The following ATP8A2 variants were observed in gnomAD, a reference collection of about 807,000 sequenced individuals.
ATP8A2 encodes the protein ATPase phospholipid transporting 8A2.
Under a neutral mutation model 165.6 loss-of-function variants are expected in ATP8A2, and 100 were observed. The ratio of observed to expected loss-of-function variants is 0.60; its 90% CI spans 0.51 to 0.71. The LOEUF (loss-of-function observed/expected upper bound fraction) is 0.71, where lower values mean the gene tolerates loss of function less well. ATP8A2 is among the 30% of genes least tolerant of loss of function. ATP8A2 has a pLI of 0.00. For missense variants in ATP8A2, 1,227 were observed against 1,479.5 expected (o/e 0.83, Z 2.80); for synonymous variants, 543 against 548.8 (o/e 0.99, Z 0.15).
intron 33 of ATP8A2, among the ~76,000 whole-genome samples, chr13:25,884,696 T>C (rs563148132): frequency 2.3e-4 from 35 of 152,338 alleles, no homozygotes; most frequent in African/African-American, 8.2e-4. Context: ...AACCTTGGCC[T>C]GAGACTCTCC....
At chr13:25,649,090 C>G (rs564740038) in intron 24 of ATP8A2, 1 of 478,848 alleles carries the variant, frequency 2.1e-6, no homozygotes, top group African/African-American at 2.0e-5. Flanking sequence ...ATCCTTGTGT[C>G]CTTGCGTTGG....
intron 25 of ATP8A2, among the ~76,000 whole-genome samples, chr13:25,706,033 G>A (rs1007913057): frequency 6.6e-5 from 10 of 152,192 alleles, no homozygotes; most frequent in African/African-American, 1.7e-4. Context: ...TCAAGGATAA[G>A]CAACATAGAA....
In ATP8A2 at chr13:25,865,394, A is replaced by G. The variant is rs116294290; in HGVS notation, c.3183+2986A>G. Among the ~76,000 whole-genome samples, 880 of 152,336 alleles carry G rather than the reference A, an allele frequency of 5.8e-3. 14 individuals are homozygous for G. Among genetic ancestry groups the G allele is most frequent in the African/African-American group, 0.021 (854 of 41,578 alleles). On this transcript the variant is annotated intron_variant, in intron 33 of 36. Coordinates refer to ENST00000381655, the MANE Select transcript of ATP8A2 (RefSeq NM_016529.6). The stretch of plus-strand genomic sequence containing the variant: ...AAGTTCTAGAATTAAACTAGTGCCT[A>G]ATAGCAAACAGCATTTCTCACTCAG...
intron 2 of ATP8A2, among the ~76,000 whole-genome samples, chr13:25,490,377 A>G (rs1238584393): frequency 6.6e-6 from 1 of 152,228 alleles, no homozygotes; most frequent in Non-Finnish European, 1.5e-5. Context: ...CGGACGGGCC[A>G]GGAGCCGGGG....
chr13:25,536,921 T>C (rs2038303737), intron 6 of ATP8A2, among the ~76,000 whole-genome samples: 2 of 152,234 alleles, frequency 1.3e-5, no homozygotes, highest in African/African-American at 4.8e-5. Context: ...GGCACTGTTT[T>C]CCTGTTTCAG....
chr13:25,602,328 G>C (rs1334357134), intron 24 of ATP8A2, among the ~76,000 whole-genome samples: 1 of 152,104 alleles, frequency 6.6e-6, no homozygotes, highest in East Asian at 1.9e-4. Context: ...GAGGGGAGAA[G>C]CTGCTGTGTT....
intron 1 of ATP8A2, among the ~76,000 whole-genome samples, chr13:25,402,078 C>T (rs1299470323): frequency 6.6e-6 from 1 of 152,050 alleles, no homozygotes; most frequent in East Asian, 1.9e-4. Flanking sequence ...GATACCACGA[C>T]AGTCAATCCA....
intron 30 of ATP8A2, among the ~76,000 whole-genome samples, chr13:25,853,434 T>C (rs997398738): frequency 5.5e-5 from 8 of 144,370 alleles, no homozygotes; most frequent in Non-Finnish European, 1.1e-4. Context: ...GAATTTCTTA[T>C]AATGTCTAAA....
intron 24 of ATP8A2, among the ~76,000 whole-genome samples, chr13:25,656,163 C>A (rs928068843): frequency 2.6e-5 from 4 of 152,108 alleles, no homozygotes; most frequent in Non-Finnish European, 5.9e-5. Context: ...ACCATGAGGA[C>A]CAAATAGGTT....
At chr13:25,685,146 G>T (rs1186976996) in intron 24 of ATP8A2, among the ~76,000 whole-genome samples, 2 of 152,142 alleles carry the variant, frequency 1.3e-5, no homozygotes, top group Non-Finnish European at 2.9e-5. Flanking sequence ...AGCCATAGTT[G>T]GATGTGACAG....
chr13:25,530,772 T>C, intron 4 of ATP8A2, 112 bp downstream of exon 4: 1 of 666,060 alleles, frequency 1.5e-6, no homozygotes. Context: ...TTAACCAGCC[T>C]CTTTAGACAC....
At chr13:25,648,036 C>A (rs1314655986) in intron 24 of ATP8A2, among the ~76,000 whole-genome samples, 1 of 152,052 alleles carries the variant, frequency 6.6e-6, no homozygotes, top group Non-Finnish European at 1.5e-5. Context: ...CTTTCTTCTC[C>A]TTTTGACTTG....
chr13:25,679,455 G>A (rs1344054595), intron 24 of ATP8A2, among the ~76,000 whole-genome samples: 1 of 152,160 alleles, frequency 6.6e-6, no homozygotes, highest in Non-Finnish European at 1.5e-5. Flanking sequence ...AATGCGATTT[G>A]ACTTCCTTGG....
At chr13:25,536,098 A>G (rs914802220) in intron 6 of ATP8A2, among the ~76,000 whole-genome samples, 3 of 152,042 alleles carry the variant, frequency 2.0e-5, no homozygotes, top group Non-Finnish European at 2.9e-5. Flanking sequence ...AACTATTCAT[A>G]TGAAATCGTT....
At chr13:25,482,829 C>G (rs1013215798) in intron 2 of ATP8A2, among the ~76,000 whole-genome samples, 1 of 152,206 alleles carries the variant, frequency 6.6e-6, no homozygotes, top group Non-Finnish European at 1.5e-5. Flanking sequence ...TAAGACGGGA[C>G]TTGCTCCTCC....
At chr13:25,525,831 C>CTGG (rs1447019780) in intron 2 of ATP8A2, among the ~76,000 whole-genome samples, 1 of 152,076 alleles carries the variant, frequency 6.6e-6, no homozygotes, top group Non-Finnish European at 1.5e-5. Context: ...ATTCCTGTAC[C>CTGG]TGGATGTTTA....
At chr13:25,819,532 C>G (rs970846906) in intron 27 of ATP8A2, among the ~76,000 whole-genome samples, 2 of 152,084 alleles carry the variant, frequency 1.3e-5, no homozygotes, top group African/African-American at 4.8e-5. Context: ...CTTTGTCAAT[C>G]TCATGCTGTT....
chr13:25,563,470 T>G (rs1460684920), intron 15 of ATP8A2, among the ~76,000 whole-genome samples: 1 of 152,226 alleles, frequency 6.6e-6, no homozygotes, highest in Admixed American at 6.5e-5. Context: ...TCTTCACATT[T>G]TCTTCAATGT....
chr13:25,778,862 A>G (rs1046233213), intron 27 of ATP8A2, among the ~76,000 whole-genome samples: 1 of 152,208 alleles, frequency 6.6e-6, no homozygotes, highest in Non-Finnish European at 1.5e-5. Context: ...ACAGCAAGAT[A>G]AACACTTTTT....
Sources: allele counts gnomAD v4.1 joint callset (sites outside exome capture counted in the v4.1 genomes callset), GRCh38; gene constraint gnomAD v4.1.1; transcripts MANE v1.5; gene names NCBI Gene and HGNC (gene_info 2026-07-23, HGNC 2026-07-21).